LMNB2: variants seen among roughly 807,000 people sequenced by gnomAD.
LMNB2 encodes lamin B2, also known as lamin-B2.
Under a neutral mutation model 69.3 loss-of-function variants are expected in LMNB2, and 17 were observed. The ratio of observed to expected loss-of-function variants is 0.25; its 90% CI spans 0.17 to 0.37. The LOEUF is 0.37. Among genes scored for constraint, LMNB2 ranks in the 10% least tolerant of loss-of-function variants. The probability of loss-of-function intolerance (pLI) is 1.00; values close to 1 mark genes in which losing one functional copy is unlikely to be tolerated. For missense variants in LMNB2, 789 were observed against 883.6 expected (o/e 0.89, Z 1.36); for synonymous variants, 397 against 389.3 (o/e 1.02, Z -0.23).
At chr19:2,446,791 T>C (rs1400593075) in intron 1 of LMNB2, among the ~76,000 whole-genome samples, 1 of 151,936 alleles carries the variant, frequency 6.6e-6, no homozygotes, top group East Asian at 1.9e-4. Context: ...ACCCGGTAAC[T>C]CCACTCCTGG....
intron 1 of LMNB2, among the ~76,000 whole-genome samples, chr19:2,455,287 T>G (rs1972074885): frequency 1.3e-5 from 2 of 151,660 alleles, no homozygotes; most frequent in Non-Finnish European, 2.9e-5. Flanking sequence ...CACCCCATCT[T>G]GGGCCTCCTC....
chr19:2,431,757 G>T, intron 10 of LMNB2, 26 bp downstream of exon 10: 1 of 1,613,526 alleles, frequency 6.2e-7, no homozygotes, highest in Non-Finnish European at 8.5e-7. Flanking sequence ...CTCCAGCCGA[G>T]CACCCCCCAA....
chr19:2,435,193 C>A (rs1186546998), intron 4 of LMNB2, 22 bp from the exon 5 acceptor site: 1 of 1,598,196 alleles, frequency 6.3e-7, no homozygotes, highest in Non-Finnish European at 8.5e-7. Context: ...GGCTTCGTGA[C>A]CCTCTGGTCC....
intron 9 of LMNB2, 121 bp downstream of exon 9, chr19:2,432,295 A>G: frequency 1.2e-6 from 1 of 835,370 alleles, no homozygotes; most frequent in Non-Finnish European, 2.0e-6. Context: ...AGCCGCTCTG[A>G]GACGGTGCCT....
Position 2,438,302 on chromosome 19 carries a change from G to A in LMNB2, c.559-14C>T, listed in dbSNP as rs1274282710. 2.5e-6 allele frequency: 4 copies of A among 1,613,792 alleles called. No homozygotes were observed. The highest frequency in any genetic ancestry group is 3.4e-6 in the Non-Finnish European group (4 of 1,180,042). On this transcript the variant is annotated splice_polypyrimidine_tract_variant and intron_variant, in intron 3 of 11. Coordinates refer to ENST00000325327, the MANE Select transcript of LMNB2 (RefSeq NM_032737.4). Reference sequence around the variant, plus strand: ...ACCGTCCTCGGCCTGGGAGACACAGGACAGCGAGCTGGTGTGACAATCTGT... The same window carrying A: ...ACCGTCCTCGGCCTGGGAGACACAGAACAGCGAGCTGGTGTGACAATCTGT...
At position 2,447,258 on chromosome 19, in the gene LMNB2, A is replaced by G. The variant is rs1971967247; in HGVS notation, c.265-2718T>C. Among the ~76,000 whole-genome samples the G allele has an allele frequency of 6.6e-6, 1 of 152,228 alleles. No homozygotes were observed. The highest frequency in any genetic ancestry group is 2.1e-4 in the South Asian group (1 of 4,836). On this transcript the variant is annotated intron_variant, in intron 1 of 11. Transcript: ENST00000325327. This position sits in a 1 kb window ranked among gnomAD's most constrained non-coding sequence, Gnocchi z 4.4. ...CATGACCCAGCTGTGTAACGGAGCA[A>G]GGTTCTGACACCACAGTGTGGATGC...
intron 1 of LMNB2, among the ~76,000 whole-genome samples, chr19:2,452,925 C>T (rs1257912647): frequency 1.2e-5 from 1 of 81,664 alleles, no homozygotes. Flanking sequence ...GGGTCATCCT[C>T]ATGGGGGCTG....
At chr19:2,444,683 C>G in intron 1 of LMNB2, 143 bp from the exon 2 acceptor site, 3 of 1,092,308 alleles carry the variant, frequency 2.7e-6, no homozygotes, top group Non-Finnish European at 4.1e-6. Context: ...GACACTGGGA[C>G]ACCCTGTGTT....
intron 4 of LMNB2, among the ~76,000 whole-genome samples, chr19:2,435,739 G>A (rs1435567158): frequency 1.3e-5 from 2 of 151,876 alleles, no homozygotes; most frequent in Non-Finnish European, 2.9e-5. Context: ...CAAGAGAATC[G>A]CTTGACCTTG....
intron 4 of LMNB2, among the ~76,000 whole-genome samples, chr19:2,437,578 A>C (rs1434233609): frequency 1.3e-5 from 2 of 152,174 alleles, no homozygotes; most frequent in East Asian, 3.8e-4. Context: ...AGGCGGATGA[A>C]GCACCTGAGG....
chr19:2,442,651 G>A (rs1971911235), intron 2 of LMNB2, among the ~76,000 whole-genome samples: 1 of 152,168 alleles, frequency 6.6e-6, no homozygotes. Flanking sequence ...GGGTGGGGCT[G>A]AGGCAGGATC....
chr19:2,433,080 A>T (rs1224132392), intron 8 of LMNB2, among the ~76,000 whole-genome samples: 53 of 59,544 alleles, frequency 8.9e-4, no homozygotes, highest in Admixed American at 1.6e-3. Context: ...TGCCCCGGTC[A>T]TTCCAGTCAC....
intron 8 of LMNB2, among the ~76,000 whole-genome samples, chr19:2,433,562 AC>A (rs374846525): frequency 1.5e-5 from 1 of 66,588 alleles, no homozygotes; most frequent in African/African-American, 8.2e-5. Context: ...GACCCTGGTC[AC>A]CCCCATCAGC....
chr19:2,435,375 G>T (rs550337893), intron 4 of LMNB2, among the ~76,000 whole-genome samples: 1 of 152,226 alleles, frequency 6.6e-6, no homozygotes, highest in African/African-American at 2.4e-5. Flanking sequence ...GAAAAGGAGC[G>T]AGGCTCTGAC....
intron 2 of LMNB2, among the ~76,000 whole-genome samples, chr19:2,442,156 T>C (rs1482381309): frequency 6.6e-6 from 1 of 152,126 alleles, no homozygotes; most frequent in Non-Finnish European, 1.5e-5. Flanking sequence ...GATAAATTTG[T>C]TAGGATAAGA....
At chr19:2,455,866 C>G (rs1972081107) in intron 1 of LMNB2, among the ~76,000 whole-genome samples, 2 of 151,500 alleles carry the variant, frequency 1.3e-5, no homozygotes, top group African/African-American at 4.9e-5. Flanking sequence ...CAGGGTCCCC[C>G]GTGATCGCGT....
Position 2,443,956 on chromosome 19 carries a change from C to T in LMNB2, c.401+448G>A, listed in dbSNP as rs946378283. ...GCACCCTGGTCACACACCACACACC[C>T]GAGCGTCCCAACAGCTGGGACAAAA... On this transcript the variant is annotated intron_variant, in intron 2 of 11. Coordinates refer to ENST00000325327, the MANE Select transcript of LMNB2 (RefSeq NM_032737.4). The surrounding 1 kb of genome is among the most constrained non-coding windows in gnomAD (Gnocchi z 6.2). Among the ~76,000 whole-genome samples, 10 of 152,118 alleles carry T rather than the reference C, an allele frequency of 6.6e-5. No homozygotes were observed. Among genetic ancestry groups the T allele is most frequent in the African/African-American group, 9.7e-5 (4 of 41,434 alleles).
intron 2 of LMNB2, among the ~76,000 whole-genome samples, chr19:2,439,696 TC>T (rs954788330): frequency 1.4e-4 from 21 of 151,234 alleles, no homozygotes; most frequent in African/African-American, 4.1e-4. Context: ...GACAGGGACC[TC>T]TCCTGCCCAG....
At chr19:2,435,276 G>A in intron 4 of LMNB2, 105 bp from the exon 5 acceptor site, 2 of 1,469,506 alleles carry the variant, frequency 1.4e-6, no homozygotes, top group Non-Finnish European at 1.8e-6. Flanking sequence ...GGCAATTCCT[G>A]GTTCCTTGTG....
Sources: gnomAD v4.1 joint callset for allele counts (sites outside exome capture counted in the v4.1 genomes callset) on GRCh38, gnomAD v4.1.1 for gene constraint, Gnocchi (gnomAD v3.1) non-coding constraint, MANE v1.5 for transcripts, NCBI Gene and HGNC (gene_info 2026-07-23, HGNC 2026-07-21) for gene names.